ARMH4: variants seen among roughly 807,000 people sequenced by gnomAD.
ARMH4 encodes the protein armadillo like helical domain containing 4, also known as armadillo-like helical domain-containing protein 4.
In ARMH4, 49 loss-of-function variants were observed where a neutral mutation model predicts 61.9. That is an observed-to-expected ratio of 0.79 (90% CI 0.63 to 1.00). The LOEUF (loss-of-function observed/expected upper bound fraction) is 1.00, where lower values mean the gene tolerates loss of function less well. Among genes scored for constraint, ARMH4 ranks in the 50% least tolerant of loss-of-function variants. ARMH4 has a pLI of 0.00. For missense variants in ARMH4, 934 were observed against 930.0 expected (o/e 1.00, Z -0.06); for synonymous variants, 368 against 341.5 (o/e 1.08, Z -0.85).
At chr14:58,023,387 C>T (rs1283436925) in intron 5 of ARMH4, among the ~76,000 whole-genome samples, 3 of 152,168 alleles carry the variant, frequency 2.0e-5, no homozygotes, top group Admixed American at 6.5e-5. Flanking sequence ...ACTTTCTTTG[C>T]TCATCCATAA....
At chr14:58,144,069 T>C (rs1887653978) in intron 1 of ARMH4, among the ~76,000 whole-genome samples, 3 of 152,132 alleles carry the variant, frequency 2.0e-5, no homozygotes, top group Non-Finnish European at 2.9e-5. Flanking sequence ...CCACCACACC[T>C]GGCCACACTG....
chr14:58,089,456 G>A (rs978700145), intron 5 of ARMH4, among the ~76,000 whole-genome samples: 5 of 152,166 alleles, frequency 3.3e-5, no homozygotes, highest in African/African-American at 9.7e-5. Context: ...ACAGTCAAGT[G>A]CTCTGTTTCC....
At chr14:58,018,871 G>A (rs372649792) in intron 5 of ARMH4, among the ~76,000 whole-genome samples, 1 of 148,598 alleles carries the variant, frequency 6.7e-6, no homozygotes, top group Non-Finnish European at 1.5e-5. Context: ...AGAATCAAGT[G>A]CCAGTCAACA....
In ARMH4 at chr14:58,139,042, G is replaced by A. The variant is rs1305519266; in HGVS notation, c.317C>T (p.Thr106Ile). The A allele has an allele frequency of 7.4e-6, 12 of 1,614,118 alleles. No homozygotes were observed. The highest frequency in any genetic ancestry group is 9.3e-6 in the Non-Finnish European group (11 of 1,180,056). ...TQPGQAGLMQTERPGVSTPTE... is the reference protein window; with the variant it reads ...TQPGQAGLMQIERPGVSTPTE... ...AGGTGTGGAAACACCAGGGCGTTCTGTTTGCATGAGCCCAGCTTGTCCAGG... is the reference window on the plus strand; with the variant it reads ...AGGTGTGGAAACACCAGGGCGTTCTATTTGCATGAGCCCAGCTTGTCCAGG... The change falls in exon 2 of 8, where the codon ACA becomes ATA. Residue 106 changes from threonine to isoleucine, a missense_variant. By Grantham distance (89) the Thr-to-Ile change is moderately conservative. Transcript: ENST00000267485.
chr14:58,064,510 A>G (rs558064016), intron 5 of ARMH4, among the ~76,000 whole-genome samples: 204 of 152,328 alleles, frequency 1.3e-3, no homozygotes, highest in African/African-American at 4.7e-3. Flanking sequence ...CAATAAGTCA[A>G]TCAAAGACTA....
At chr14:58,111,753 C>G (rs1026515768) in intron 4 of ARMH4, among the ~76,000 whole-genome samples, 9 of 151,930 alleles carry the variant, frequency 5.9e-5, no homozygotes, top group Admixed American at 3.9e-4. Context: ...GTCACACAAT[C>G]ACACAATCAG....
At chr14:58,103,849 T>C (rs1886081790) in intron 4 of ARMH4, among the ~76,000 whole-genome samples, 2 of 152,208 alleles carry the variant, frequency 1.3e-5, no homozygotes, top group African/African-American at 2.4e-5. Context: ...ATTGTGACTA[T>C]ATAATCCTGA....
chr14:58,014,712 TCAG>T (rs1882539648), intron 5 of ARMH4, among the ~76,000 whole-genome samples: 1 of 152,126 alleles, frequency 6.6e-6, no homozygotes, highest in African/African-American at 2.4e-5. Context: ...CTAAAGTGGG[TCAG>T]CAGAAGTTAT....
intron 5 of ARMH4, among the ~76,000 whole-genome samples, chr14:58,062,930 G>A (rs1010969945): frequency 6.6e-6 from 1 of 152,212 alleles, no homozygotes; most frequent in Admixed American, 6.5e-5. Context: ...GTCACTCAAG[G>A]GGGTATACTA....
chr14:58,132,538 G>GTT (rs1408505869), intron 3 of ARMH4, among the ~76,000 whole-genome samples: 3 of 148,126 alleles, frequency 2.0e-5, no homozygotes, highest in Non-Finnish European at 4.5e-5. Context: ...GGACCCAGAG[G>GTT]TGAGCCACCA....
chr14:58,100,422 G>C (rs1041182598), intron 4 of ARMH4, among the ~76,000 whole-genome samples: 1 of 152,144 alleles, frequency 6.6e-6, no homozygotes, highest in Non-Finnish European at 1.5e-5. Flanking sequence ...TGGGTGGAGA[G>C]GTGAGTAGGC....
intron 5 of ARMH4, among the ~76,000 whole-genome samples, chr14:58,039,085 C>A (rs1883592119): frequency 6.6e-6 from 1 of 152,236 alleles, no homozygotes; most frequent in Non-Finnish European, 1.5e-5. Context: ...AGCAGGGCAC[C>A]TGTGCAGACT....
intron 4 of ARMH4, among the ~76,000 whole-genome samples, chr14:58,125,315 G>A (rs1367332952): frequency 3.3e-5 from 5 of 151,902 alleles, no homozygotes; most frequent in South Asian, 2.1e-4. Context: ...GCTAGCCACC[G>A]AAGAAGGAAA....
At chr14:58,070,710 C>T (rs1884856154) in intron 5 of ARMH4, among the ~76,000 whole-genome samples, 1 of 152,196 alleles carries the variant, frequency 6.6e-6, no homozygotes, top group Non-Finnish European at 1.5e-5. Context: ...GAGTGACAAA[C>T]AGTCCAATTA....
At chr14:58,132,465 C>CCT (rs1555344310) in intron 3 of ARMH4, among the ~76,000 whole-genome samples, 1 of 152,108 alleles carries the variant, frequency 6.6e-6, no homozygotes, top group African/African-American at 2.4e-5. Flanking sequence ...ACCTCATCCC[C>CCT]CCCGGCTCCT....
chr14:58,025,713 G>C (rs1421235105), intron 5 of ARMH4, among the ~76,000 whole-genome samples: 3 of 152,078 alleles, frequency 2.0e-5, no homozygotes, highest in Non-Finnish European at 2.9e-5. Context: ...TGTTTTTAAA[G>C]AATCTTGAGT....
At chr14:58,057,187 G>C (rs758188380) in intron 5 of ARMH4, among the ~76,000 whole-genome samples, 1 of 152,154 alleles carries the variant, frequency 6.6e-6, no homozygotes, top group Non-Finnish European at 1.5e-5. Flanking sequence ...TAACTAGAGC[G>C]ATGTTAAGCG....
intron 1 of ARMH4, among the ~76,000 whole-genome samples, chr14:58,139,904 GAAGT>G (rs1887474260): frequency 6.6e-6 from 1 of 152,172 alleles, no homozygotes; most frequent in African/African-American, 2.4e-5. Flanking sequence ...GTAGTATTAG[GAAGT>G]AAGGCCTTTG....
intron 5 of ARMH4, among the ~76,000 whole-genome samples, chr14:58,057,941 T>C (rs761370561): frequency 5.3e-5 from 8 of 152,164 alleles, no homozygotes; most frequent in African/African-American, 9.6e-5. Flanking sequence ...CAGTACAGTA[T>C]GAGAGTTCAA....
Sources: gnomAD v4.1 joint callset for allele counts (sites outside exome capture counted in the v4.1 genomes callset) on GRCh38, gnomAD v4.1.1 for gene constraint, MANE v1.5 for transcripts, NCBI Gene and HGNC (gene_info 2026-07-23, HGNC 2026-07-21) for gene names.